GLIS3: variants seen among roughly 807,000 people sequenced by gnomAD.
The protein encoded by GLIS3 is zinc finger protein GLIS3.
A neutral mutation model predicts 78.6 loss-of-function variants in GLIS3; 53 were observed. The observed-to-expected ratio is 0.67, with a 90% CI of 0.54 to 0.85. The LOEUF is 0.85. Ranked by LOEUF, GLIS3 falls within the 40% of genes least tolerant of loss-of-function variation. The pLI is 0.00. For synonymous variants in GLIS3, 684 were observed against 509.9 expected, an observed-to-expected ratio of 1.34 and a Z score of -4.60; for missense variants, 1,703 against 1,231.1, an observed-to-expected ratio of 1.38 and a Z score of -5.74.
At chr9:4,289,676 C>G (rs962478817) in intron 1 of GLIS3, among the ~76,000 whole-genome samples, 4 of 151,946 alleles carry the variant, frequency 2.6e-5, no homozygotes, top group Non-Finnish European at 4.4e-5. Flanking sequence ...ACAAAAGAAA[C>G]AAGAAAAAGA....
chr9:4,320,257 C>T (rs1467085040), intron 2 of GLIS3, among the ~76,000 whole-genome samples: 1 of 152,118 alleles, frequency 6.6e-6, no homozygotes, highest in Non-Finnish European at 1.5e-5. Context: ...CTCCAGTTGC[C>T]TGACTAGCCC....
At chr9:4,270,239 G>A (rs557437828) in intron 2 of GLIS3, among the ~76,000 whole-genome samples, 1 of 152,294 alleles carries the variant, frequency 6.6e-6, no homozygotes, top group South Asian at 2.1e-4. Flanking sequence ...ATTACTTCCT[G>A]CCTTCCTGCT....
intron 5 of GLIS3, among the ~76,000 whole-genome samples, chr9:3,934,297 G>C (rs903529764): frequency 2.0e-5 from 3 of 152,132 alleles, no homozygotes; most frequent in South Asian, 4.1e-4. Context: ...GAGCATTAGA[G>C]GAGATGTTAC....
At chr9:4,124,564 A>G (rs1832427552) in intron 3 of GLIS3, among the ~76,000 whole-genome samples, 1 of 152,232 alleles carries the variant, frequency 6.6e-6, no homozygotes. Flanking sequence ...ATAATCATCA[A>G]TGGGAAAATG....
At chr9:4,267,013 A>G (rs1254533672) in intron 2 of GLIS3, among the ~76,000 whole-genome samples, 1 of 152,198 alleles carries the variant, frequency 6.6e-6, no homozygotes, top group Non-Finnish European at 1.5e-5. Flanking sequence ...TTTCCTAAAA[A>G]TCAAGACTTG....
intron 3 of GLIS3, among the ~76,000 whole-genome samples, chr9:4,124,606 T>C (rs1832430809): frequency 6.6e-6 from 1 of 152,146 alleles, no homozygotes; most frequent in Non-Finnish European, 1.5e-5. Context: ...AAGTCTCAGG[T>C]GAAAAACAAG....
chr9:3,937,866 C>G (rs527799728), intron 4 of GLIS3, among the ~76,000 whole-genome samples: 3 of 152,074 alleles, frequency 2.0e-5, no homozygotes, highest in Admixed American at 6.5e-5. Flanking sequence ...AAAAAAGTAC[C>G]GTAATACTTT....
chr9:4,191,838 T>C (rs1311991010), intron 2 of GLIS3, among the ~76,000 whole-genome samples: 1 of 151,968 alleles, frequency 6.6e-6, no homozygotes, highest in Non-Finnish European at 1.5e-5. Flanking sequence ...AAAATACTGA[T>C]GAATCAGAAA....
At chr9:4,306,865 G>A (rs1817239133) in intron 4 of GLIS3, among the ~76,000 whole-genome samples, 1 of 152,198 alleles carries the variant, frequency 6.6e-6, no homozygotes. Context: ...CAGAAGTAGA[G>A]AGTCCTTAGA....
intron 4 of GLIS3, among the ~76,000 whole-genome samples, chr9:3,970,963 AG>A (rs1385060919): frequency 5.3e-5 from 8 of 151,864 alleles, no homozygotes; most frequent in African/African-American, 1.7e-4. Flanking sequence ...GAAGGAAAAG[AG>A]GGAGAAAGGG....
the GLIS3 span, among the ~76,000 whole-genome samples, chr9:4,372,572 A>AT: frequency 6.7e-6 from 1 of 149,102 alleles, no homozygotes; most frequent in Non-Finnish European, 1.5e-5. Flanking sequence ...AAAAAAAAAA[A>AT]ATCACACAGC....
intron 2 of GLIS3, among the ~76,000 whole-genome samples, chr9:4,164,434 A>G (rs1835727529): frequency 1.3e-5 from 2 of 152,168 alleles, no homozygotes; most frequent in African/African-American, 4.8e-5. Context: ...ACAATGCAAA[A>G]GCTCATTTCT....
At chr9:4,233,375 G>A (rs759202078) in intron 2 of GLIS3, among the ~76,000 whole-genome samples, 3 of 152,224 alleles carry the variant, frequency 2.0e-5, no homozygotes, top group Non-Finnish European at 4.4e-5. Context: ...TCCTTGGGCT[G>A]CAGAAGGGAT....
chr9:4,458,852 G>A, the GLIS3 span, among the ~76,000 whole-genome samples: 4 of 152,138 alleles, frequency 2.6e-5, no homozygotes, highest in Admixed American at 1.3e-4. Flanking sequence ...TGATGAAACA[G>A]CAAATACAAA....
the GLIS3 span, among the ~76,000 whole-genome samples, chr9:4,379,595 C>T: frequency 6.6e-6 from 1 of 152,100 alleles, no homozygotes; most frequent in Non-Finnish European, 1.5e-5. Context: ...ATTTCATTGC[C>T]ATTGGGTGGT....
At chr9:3,849,356 G>A (rs1052449061) in intron 9 of GLIS3, among the ~76,000 whole-genome samples, 2 of 152,200 alleles carry the variant, frequency 1.3e-5, no homozygotes, top group Non-Finnish European at 2.9e-5. Flanking sequence ...GTTTTGTTAA[G>A]TATGGCAATG....
chr9:4,066,839 G>A (rs1438142813), intron 4 of GLIS3, among the ~76,000 whole-genome samples: 1 of 152,166 alleles, frequency 6.6e-6, no homozygotes. Context: ...CAGCATGTGG[G>A]ACGCCCAGTG....
In GLIS3 at chr9:4,018,337, G is replaced by A. The variant is rs1588462746; in HGVS notation, c.1711-81148C>T. Among the ~76,000 whole-genome samples the A allele has an allele frequency of 2.6e-5, 4 of 152,112 alleles. No individual in the cohort carries two copies. The South Asian group carries it at 6.2e-4, about 24-fold the overall frequency. ...ACACAGGACTGGCTCTGGCAGCCTC[G>A]GGGCAGGGATGCACATATCTGTCCC... On this transcript the variant is annotated intron_variant, in intron 4 of 10. Transcript: ENST00000381971.
At position 4,118,954 on chromosome 9, in the gene GLIS3, A is replaced by G. The variant is rs1486499114; in HGVS notation, c.597-73T>C. The G allele has an allele frequency of 2.1e-5, 31 of 1,455,448 alleles. No homozygotes were observed. In the South Asian group the frequency reaches 3.6e-4, roughly 17 times the overall value. The allele number at this position is 1,455,448 out of a possible 1,614,324, so 90.2% of individuals were successfully genotyped here. A position where few individuals can be genotyped will look rare whatever the true frequency, so the allele number is the denominator to read the frequency against. On this transcript the variant is annotated intron_variant, in intron 3 of 10. Coordinates refer to ENST00000381971, the MANE Select transcript of GLIS3 (RefSeq NM_001042413.2). The surrounding 1 kb of genome is among the most constrained non-coding windows in gnomAD (Gnocchi z 4.7). ...GCAGGATACGGATTGCTTAAGAGCT[A>G]AAAGAACACTGCATTGACAATCCCT...
Sources: allele counts gnomAD v4.1 joint callset (sites outside exome capture counted in the v4.1 genomes callset), GRCh38; gene constraint gnomAD v4.1.1; non-coding constraint Gnocchi (gnomAD v3.1); transcripts MANE v1.5; gene names NCBI Gene and HGNC (gene_info 2026-07-23, HGNC 2026-07-21).